The following NCALD variants were observed in gnomAD, a reference collection of about 807,000 sequenced individuals.
NCALD encodes neurocalcin-delta.
A neutral mutation model predicts 18.6 loss-of-function variants in NCALD; 10 were observed. That is an observed-to-expected ratio of 0.54 (90% CI 0.33 to 0.91). The LOEUF is 0.91. NCALD is among the 40% of genes least tolerant of loss of function. NCALD has a pLI of 0.03. For synonymous variants in NCALD, 88 were observed against 87.4 expected (o/e 1.01, Z -0.04); for missense variants, 184 against 247.6 (o/e 0.74, Z 1.72).
chr8:101,796,333 T>C (rs181013252), intron 4 of NCALD, among the ~76,000 whole-genome samples: 168 of 152,324 alleles, frequency 1.1e-3, no homozygotes, highest in African/African-American at 3.8e-3. Flanking sequence ...GAAATAGGTC[T>C]AACTGACCAC....
At chr8:101,879,233 C>A (rs565638568) in intron 4 of NCALD, among the ~76,000 whole-genome samples, 1 of 152,246 alleles carries the variant, frequency 6.6e-6, no homozygotes, top group South Asian at 2.1e-4. Flanking sequence ...AGGCCGTGGA[C>A]CCTCATGGTG....
intron 4 of NCALD, among the ~76,000 whole-genome samples, chr8:101,798,546 T>C (rs1812723428): frequency 6.6e-6 from 1 of 152,176 alleles, no homozygotes; most frequent in South Asian, 2.1e-4. Flanking sequence ...TGTTTATAGA[T>C]TGAAAGATTC....
intron 4 of NCALD, among the ~76,000 whole-genome samples, chr8:101,884,794 G>A (rs183990290): frequency 4.4e-4 from 67 of 152,058 alleles, no homozygotes; most frequent in African/African-American, 1.4e-3. Context: ...TCAATTACTC[G>A]ACTGATCAGT....
chr8:101,864,905 C>T (rs1815705314), intron 4 of NCALD, among the ~76,000 whole-genome samples: 2 of 152,100 alleles, frequency 1.3e-5, no homozygotes, highest in South Asian at 4.1e-4. Flanking sequence ...TGGATTGTTC[C>T]AATTTTCTAG....
chr8:101,906,233 T>TA (rs1265645858), intron 3 of NCALD, among the ~76,000 whole-genome samples: 2 of 152,214 alleles, frequency 1.3e-5, no homozygotes, highest in African/African-American at 4.8e-5. Context: ...CCTCACTTCT[T>TA]ACAGATGATT....
At chr8:101,976,165 G>A (rs1820416225) in intron 2 of NCALD, among the ~76,000 whole-genome samples, 1 of 152,158 alleles carries the variant, frequency 6.6e-6, no homozygotes, top group Admixed American at 6.5e-5. Flanking sequence ...GGGAGTAAAG[G>A]CTCTCAGCTG....
At chr8:102,082,970 T>C (rs1036837670) in intron 1 of NCALD, among the ~76,000 whole-genome samples, 1 of 152,228 alleles carries the variant, frequency 6.6e-6, no homozygotes, top group Non-Finnish European at 1.5e-5. Context: ...GAAGAATTAC[T>C]ACTGAGATGC....
Position 102,087,956 on chromosome 8 carries a change from T to G in NCALD, c.-210+36281A>C, listed in dbSNP as rs563656831. ...TGGTTAAATGAATGGTAAAAAATAC[T>G]GTTTATCTCCTCTGTAAAGTTTTGA... On this transcript the variant is annotated intron_variant, in intron 1 of 6. Transcript: ENST00000311028. 4.8e-5 allele frequency among the ~76,000 whole-genome samples: 7 copies of G among 147,114 alleles called. No homozygotes were observed. In the South Asian group the frequency reaches 1.5e-3, roughly 32 times the overall value.
chr8:101,790,647 G>A (rs553139936), intron 1 of NCALD, among the ~76,000 whole-genome samples: 6 of 152,244 alleles, frequency 3.9e-5, no homozygotes, highest in Non-Finnish European at 8.8e-5. Flanking sequence ...CAAGCAAGAC[G>A]ATTATATTTT....
chr8:101,951,043 C>T (rs931920057), intron 2 of NCALD, among the ~76,000 whole-genome samples: 1 of 152,218 alleles, frequency 6.6e-6, no homozygotes, highest in African/African-American at 2.4e-5. Flanking sequence ...CTAGACCAAG[C>T]CATGCAGGCA....
At position 101,716,728 on chromosome 8, in the gene NCALD, C is replaced by T. The variant is rs116956628; in HGVS notation, c.378+2524G>A. Among the ~76,000 whole-genome samples the T allele has an allele frequency of 3.6e-3, 543 of 152,250 alleles. 4 individuals carry two copies. In the East Asian group the frequency reaches 0.049, roughly 14 times the overall value. On this transcript the variant is annotated intron_variant, in intron 2 of 3. Transcript: ENST00000220931. ...TGCACAGGAAGACAAACTTTGCAGA[C>T]GTGATTACATTAAGAATATTGAGAT... is the stretch of plus-strand genomic sequence containing the variant.
At chr8:101,857,819 T>C (rs1004197239) in intron 4 of NCALD, among the ~76,000 whole-genome samples, 5 of 152,230 alleles carry the variant, frequency 3.3e-5, no homozygotes, top group Non-Finnish European at 5.9e-5. Context: ...CCCAAGACTT[T>C]CTTGGATTTA....
Position 101,911,554 on chromosome 8 carries a change from C to T in NCALD, c.-107+4255G>A, listed in dbSNP as rs571026911. Among the ~76,000 whole-genome samples the T allele has an allele frequency of 6.7e-4, 102 of 151,978 alleles. 1 individual carries two copies. Among genetic ancestry groups the T allele is most frequent in the African/African-American group, 9.6e-4 (40 of 41,470 alleles). On this transcript the variant is annotated intron_variant, in intron 3 of 6. Coordinates refer to the NCALD transcript ENST00000311028. ...TGTATTTTCAGTAGAGATGGGGTTTCGCCATGTTGGCCAGGCTGGTCTCGA... is the reference window on the plus strand; with the variant it reads ...TGTATTTTCAGTAGAGATGGGGTTTTGCCATGTTGGCCAGGCTGGTCTCGA...
At chr8:101,952,482 T>A (rs932082393) in intron 2 of NCALD, among the ~76,000 whole-genome samples, 1 of 152,200 alleles carries the variant, frequency 6.6e-6, no homozygotes, top group African/African-American at 2.4e-5. Flanking sequence ...CAAAGCCATG[T>A]AGGCAATACC....
chr8:101,988,164 A>G (rs1489455189), intron 2 of NCALD, among the ~76,000 whole-genome samples: 30 of 145,030 alleles, frequency 2.1e-4, no homozygotes, highest in African/African-American at 8.1e-4. Flanking sequence ...CAAAAAAAAA[A>G]AAAGAAAAAA....
intron 1 of NCALD, among the ~76,000 whole-genome samples, chr8:102,107,659 G>A (rs1339314079): frequency 1.3e-5 from 2 of 152,100 alleles, no homozygotes; most frequent in Non-Finnish European, 2.9e-5. Context: ...CAAGCTGATC[G>A]TGTCCTAAGT....
At chr8:101,935,335 C>T (rs1235266948) in intron 2 of NCALD, among the ~76,000 whole-genome samples, 2 of 152,080 alleles carry the variant, frequency 1.3e-5, no homozygotes, top group East Asian at 1.9e-4. Context: ...ATTTTATTTA[C>T]ATCATAAGGA....
intron 4 of NCALD, chr8:101,872,001 C>T: frequency 1.1e-6 from 1 of 915,146 alleles, no homozygotes; most frequent in Non-Finnish European, 1.8e-6. Flanking sequence ...TGCCGCCAAA[C>T]ACCAGAGGAC....
At chr8:101,696,444 T>C (rs747822511) in intron 2 of NCALD, among the ~76,000 whole-genome samples, 2 of 152,160 alleles carry the variant, frequency 1.3e-5, no homozygotes, top group Non-Finnish European at 2.9e-5. Context: ...GGAATGATGA[T>C]TGCACAAAGA....
Sources: allele counts gnomAD v4.1 joint callset (sites outside exome capture counted in the v4.1 genomes callset), GRCh38; gene constraint gnomAD v4.1.1; transcripts MANE v1.5; gene names NCBI Gene and HGNC (gene_info 2026-07-23, HGNC 2026-07-21).